The following YAP1 variants were observed in gnomAD, a reference collection of about 807,000 sequenced individuals.
The protein encoded by YAP1 is transcriptional coactivator YAP1.
Under a neutral mutation model 56.9 loss-of-function variants are expected in YAP1, and 5 were observed. The ratio of observed to expected loss-of-function variants is 0.09; its 90% CI spans 0.05 to 0.18. The LOEUF is 0.18. Ranked by LOEUF, YAP1 falls within the 10% of genes least tolerant of loss-of-function variation. YAP1 has a pLI of 1.00. For synonymous variants in YAP1, 265 were observed against 248.1 expected (o/e 1.07, Z -0.64); for missense variants, 539 against 651.8 (o/e 0.83, Z 1.88).
intron 4 of YAP1, among the ~76,000 whole-genome samples, chr11:102,197,912 T>C (rs1223095145): frequency 6.6e-6 from 1 of 152,120 alleles, no homozygotes; most frequent in Non-Finnish European, 1.5e-5. Context: ...CTGCACCCCA[T>C]GTGGGTGCAC....
intron 3 of YAP1, among the ~76,000 whole-genome samples, chr11:102,175,953 TTAG>T (rs1425991797): frequency 6.6e-6 from 1 of 152,190 alleles, no homozygotes; most frequent in Admixed American, 6.5e-5. Flanking sequence ...CCTAAAAATC[TTAG>T]TAGTGTGGGC....
In YAP1 at chr11:102,142,540, A is replaced by G. The variant is rs187284567; in HGVS notation, c.573-19916A>G. 5.9e-5 allele frequency among the ~76,000 whole-genome samples: 9 copies of G among 152,352 alleles called. No individual in the cohort carries two copies. The East Asian group carries it at 1.7e-3, about 29-fold the overall frequency. The stretch of plus-strand genomic sequence containing the variant: ...GGGCCGTCTTCAGCCTTCTGAGGGA[A>G]GAGCTATTCATTGATGTCAGAGCCA... On this transcript the variant is annotated intron_variant, in intron 2 of 8. Transcript: ENST00000282441.
chr11:102,115,122 T>C (rs755127032), intron 2 of YAP1, among the ~76,000 whole-genome samples: 8 of 152,220 alleles, frequency 5.3e-5, no homozygotes, highest in Non-Finnish European at 1.2e-4. Context: ...AGAATTACAC[T>C]AGGCTGAAAA....
intron 2 of YAP1, among the ~76,000 whole-genome samples, chr11:102,151,903 A>G (rs964338215): frequency 6.6e-6 from 1 of 152,042 alleles, no homozygotes; most frequent in Non-Finnish European, 1.5e-5. Context: ...GTGAGGGAGG[A>G]TTGGGCTACA....
intron 3 of YAP1, among the ~76,000 whole-genome samples, chr11:102,182,337 T>C (rs1010343801): frequency 2.0e-5 from 3 of 152,142 alleles, no homozygotes; most frequent in East Asian, 3.9e-4. Context: ...GCCACTGTGG[T>C]CTCCTCTTAC....
chr11:102,161,604 A>G (rs1175918943), intron 2 of YAP1, among the ~76,000 whole-genome samples: 1 of 152,204 alleles, frequency 6.6e-6, no homozygotes, highest in Non-Finnish European at 1.5e-5. Flanking sequence ...ATGTTTATAT[A>G]TAAGGGTTTT....
At chr11:102,128,472 C>T (rs1944172599) in intron 2 of YAP1, among the ~76,000 whole-genome samples, 1 of 152,184 alleles carries the variant, frequency 6.6e-6, no homozygotes, top group African/African-American at 2.4e-5. Flanking sequence ...CTGAGGCCTC[C>T]CCAGCCATGT....
rs1304577710 is a variant in YAP1 at position 102,147,264 on chromosome 11, A to G, written c.573-15192A>G. On this transcript the variant is annotated intron_variant, in intron 2 of 8. Coordinates refer to ENST00000282441, the MANE Select transcript of YAP1 (RefSeq NM_001130145.3). ...TGCATTTTTTAATGTAATCCTCATT[A>G]TAGCCACATGAGGATTTATAGTGTA... Among the ~76,000 whole-genome samples, 8 of 152,290 alleles carry G rather than the reference A, an allele frequency of 5.3e-5. No individual in the cohort carries two copies. In the South Asian group the frequency reaches 1.0e-3, roughly 20 times the overall value.
rs967387534 is a variant in YAP1 at position 102,156,323 on chromosome 11, A to G, written c.573-6133A>G. 2.0e-5 allele frequency among the ~76,000 whole-genome samples: 3 copies of G among 152,294 alleles called. No individual in the cohort carries two copies. The Middle Eastern group carries it at 0.01, about 518-fold the overall frequency. On this transcript the variant is annotated intron_variant, in intron 2 of 8. Coordinates refer to ENST00000282441, the MANE Select transcript of YAP1 (RefSeq NM_001130145.3). ...TCTGAGATTATGAAAGAACATGTAAAATTGCTAGGTCAATTATTTTCCTGA... is the reference window on the plus strand; with the variant it reads ...TCTGAGATTATGAAAGAACATGTAAGATTGCTAGGTCAATTATTTTCCTGA...
At chr11:102,181,323 G>A (rs961510466) in intron 3 of YAP1, among the ~76,000 whole-genome samples, 4 of 152,040 alleles carry the variant, frequency 2.6e-5, no homozygotes, top group African/African-American at 9.7e-5. Flanking sequence ...GTGGGCCCCT[G>A]TAGTCCCAGC....
At chr11:102,172,375 G>A (rs1204144227) in intron 3 of YAP1, among the ~76,000 whole-genome samples, 2 of 131,134 alleles carry the variant, frequency 1.5e-5, no homozygotes, top group Admixed American at 8.6e-5. Flanking sequence ...GCAGTGGCAC[G>A]ATCACAGCTC....
intron 5 of YAP1, among the ~76,000 whole-genome samples, chr11:102,208,702 G>C (rs1949244890): frequency 6.6e-6 from 1 of 152,076 alleles, no homozygotes; most frequent in South Asian, 2.1e-4. Flanking sequence ...TTGTTGCCGA[G>C]TAGTAGTTGT....
At chr11:102,136,031 C>T (rs183746834) in intron 2 of YAP1, among the ~76,000 whole-genome samples, 1 of 152,162 alleles carries the variant, frequency 6.6e-6, no homozygotes, top group African/African-American at 2.4e-5. Flanking sequence ...GCAAGGATTT[C>T]TCTGTGTACA....
chr11:102,115,899 G>A lies in YAP1; in HGVS notation c.572+1505G>A, dbSNP rs946687061. Among the ~76,000 whole-genome samples, 7 of 152,316 alleles carry A rather than the reference G, an allele frequency of 4.6e-5. No homozygotes were observed. The East Asian group carries it at 7.7e-4, about 17-fold the overall frequency. The stretch of plus-strand genomic sequence containing the variant: ...CTGCTGGGTCACATGCTGACCTGGG[G>A]AGATTGTTAAACAGCTTAATAGCCT... On this transcript the variant is annotated intron_variant, in intron 2 of 8. Coordinates refer to ENST00000282441, the MANE Select transcript of YAP1 (RefSeq NM_001130145.3).
intron 2 of YAP1, among the ~76,000 whole-genome samples, chr11:102,158,014 G>A (rs779084312): frequency 2.0e-5 from 3 of 152,034 alleles, no homozygotes; most frequent in Non-Finnish European, 2.9e-5. Flanking sequence ...AATTCCTAAC[G>A]CCTAATTTGT....
At chr11:102,202,126 T>C (rs552363852) in intron 4 of YAP1, among the ~76,000 whole-genome samples, 2 of 152,260 alleles carry the variant, frequency 1.3e-5, no homozygotes, top group African/African-American at 2.4e-5. Context: ...TGATTTTTTT[T>C]CCCTTCGCTC....
chr11:102,217,540 A>T (rs1158806609), intron 6 of YAP1, among the ~76,000 whole-genome samples: 2 of 152,198 alleles, frequency 1.3e-5, no homozygotes. Context: ...TCCCAAGATT[A>T]TCACACTAAG....
intron 2 of YAP1, among the ~76,000 whole-genome samples, chr11:102,127,627 G>A (rs1303394582): frequency 6.6e-6 from 1 of 152,204 alleles, no homozygotes; most frequent in Non-Finnish European, 1.5e-5. Flanking sequence ...GAACTGTGGG[G>A]TTGGAGCCCC....
intron 2 of YAP1, among the ~76,000 whole-genome samples, chr11:102,120,610 G>C (rs1943591588): frequency 6.6e-6 from 1 of 152,144 alleles, no homozygotes; most frequent in African/African-American, 2.4e-5. Flanking sequence ...AGTTGGGGGT[G>C]GGTGAGGGGA....
Sources: gnomAD v4.1 joint callset for allele counts (sites outside exome capture counted in the v4.1 genomes callset) on GRCh38, gnomAD v4.1.1 for gene constraint, MANE v1.5 for transcripts, NCBI Gene and HGNC (gene_info 2026-07-23, HGNC 2026-07-21) for gene names.